MALRD1: variants seen among roughly 807,000 people sequenced by gnomAD.
The protein encoded by MALRD1 is MAM and LDL-receptor class A domain-containing protein 1.
Under a neutral mutation model 242.1 loss-of-function variants are expected in MALRD1, and 247 were observed. The observed-to-expected ratio is 1.02, with a 90% CI of 0.92 to 1.13. The LOEUF (loss-of-function observed/expected upper bound fraction) is 1.13, where lower values mean the gene tolerates loss of function less well. Among genes scored for constraint, MALRD1 ranks in the 50% most tolerant of loss-of-function variants. MALRD1 has a pLI of 0.00. For synonymous variants in MALRD1, 995 were observed against 866.6 expected (o/e 1.15, Z -2.60); for missense variants, 2,989 against 2,533.1 (o/e 1.18, Z -3.86).
intron 26 of MALRD1, among the ~76,000 whole-genome samples, chr10:19,373,219 A>AAAAAAAAAAAAAAAAAAAAAAAAAAAAAC (rs1845463400): frequency 7.9e-6 from 1 of 126,990 alleles, no homozygotes; most frequent in African/African-American, 3.1e-5. Context: ...AAAAAAAAAA[A>AAAAAAAAAAAAAAAAAAAAAAAAAAAAAC]ATAAGGGGCC....
intron 38 of MALRD1, chr10:19,711,070 G>T (rs1010580594): frequency 3.3e-5 from 5 of 152,176 alleles, no homozygotes; most frequent in African/African-American, 1.2e-4. Flanking sequence ...TTACCAAGGG[G>T]TAGAAACTTG....
intron 38 of MALRD1, among the ~76,000 whole-genome samples, chr10:19,729,181 A>G (rs1222206247): frequency 1.3e-5 from 2 of 152,232 alleles, no homozygotes; most frequent in African/African-American, 4.8e-5. Flanking sequence ...ATAATTAGCT[A>G]GATTAGACTG....
Position 19,729,718 on chromosome 10 carries a change from A to AT in MALRD1, c.6315-986dup, listed in dbSNP as rs1347221983. 1.2e-3 allele frequency among the ~76,000 whole-genome samples: 116 copies of AT among 98,988 alleles called. 1 individual carries two copies. Among genetic ancestry groups the AT allele is most frequent in the Non-Finnish European group, 1.9e-3 (94 of 49,298 alleles). 64.9% of individuals were successfully genotyped at this position (98,988 alleles called of 152,430 possible). The stretch of plus-strand genomic sequence containing the variant: ...TGCGTGTCTTCTAATAAGTCTATTA[A>AT]TTCTTTTTTTTTTTTTTTTTTTTTT... On this transcript the variant is annotated intron_variant, in intron 38 of 39. Transcript: ENST00000454679.
At chr10:19,149,024 G>T (rs1482114753) in intron 11 of MALRD1, among the ~76,000 whole-genome samples, 1 of 151,840 alleles carries the variant, frequency 6.6e-6, no homozygotes, top group Non-Finnish European at 1.5e-5. Flanking sequence ...AGTTCATTTT[G>T]TTCTTAGAGC....
At chr10:19,109,328 C>A (rs780333260) in intron 5 of MALRD1, among the ~76,000 whole-genome samples, 1 of 152,084 alleles carries the variant, frequency 6.6e-6, no homozygotes, top group African/African-American at 2.4e-5. Flanking sequence ...GAGGGTTTGT[C>A]AGGGCTGCTC....
intron 36 of MALRD1, among the ~76,000 whole-genome samples, chr10:19,645,414 A>G (rs573903899): frequency 4.6e-5 from 7 of 152,328 alleles, no homozygotes; most frequent in African/African-American, 1.7e-4. Context: ...TGCTGCTATA[A>G]AGACACATGC....
At position 19,153,848 on chromosome 10, in the gene MALRD1, C is replaced by G. The variant is rs931128591; in HGVS notation, c.1559-1227C>G. ...TTAGATTTTGGCGTCTTAATGTGTA[C>G]ATGTTCTCACCTTCGTTAACCTCTT... On this transcript the variant is annotated intron_variant, in intron 11 of 39. Transcript: ENST00000454679. Among the ~76,000 whole-genome samples, 6 of 151,530 alleles carry G rather than the reference C, an allele frequency of 4.0e-5. No individual in the cohort carries two copies. The Admixed American group carries it at 4.0e-4, about 10-fold the overall frequency.
At chr10:19,545,265 G>A (rs980382517) in intron 32 of MALRD1, among the ~76,000 whole-genome samples, 6 of 152,110 alleles carry the variant, frequency 3.9e-5, no homozygotes, top group African/African-American at 1.4e-4. Flanking sequence ...ATGAGGCCCT[G>A]TTTCAAAATA....
Position 19,497,299 on chromosome 10 carries a change from A to G in MALRD1, c.5159-1186A>G, listed in dbSNP as rs114988940. Among the ~76,000 whole-genome samples the G allele has an allele frequency of 5.6e-3, 840 of 150,056 alleles. 8 individuals are homozygous for G. Among genetic ancestry groups the G allele is most frequent in the African/African-American group, 0.02 (801 of 39,968 alleles). ...TATCCATATCACATAATAAAAACCT[A>G]TTCTATATTATATAACACTGGCATG... On this transcript the variant is annotated intron_variant, in intron 30 of 39. Coordinates refer to ENST00000454679, the MANE Select transcript of MALRD1 (RefSeq NM_001142308.3).
At chr10:19,301,666 T>G (rs927443245) in intron 21 of MALRD1, among the ~76,000 whole-genome samples, 5 of 151,538 alleles carry the variant, frequency 3.3e-5, no homozygotes, top group African/African-American at 1.2e-4. Flanking sequence ...AAACATTGAG[T>G]ACACATGGAC....
At chr10:19,228,021 C>A (rs546659223) in intron 18 of MALRD1, among the ~76,000 whole-genome samples, 2 of 152,096 alleles carry the variant, frequency 1.3e-5, no homozygotes, top group Non-Finnish European at 2.9e-5. Context: ...CAAAATGGTA[C>A]AGACATTTTG....
chr10:19,097,063 A>G (rs550805303), intron 4 of MALRD1, among the ~76,000 whole-genome samples: 37 of 152,316 alleles, frequency 2.4e-4, no homozygotes, highest in African/African-American at 8.2e-4. Flanking sequence ...AATAATAACA[A>G]CTAAAATTTC....
At chr10:19,719,121 C>T (rs916881133) in intron 38 of MALRD1, among the ~76,000 whole-genome samples, 6 of 146,010 alleles carry the variant, frequency 4.1e-5, no homozygotes, top group African/African-American at 5.1e-5. Flanking sequence ...GACTGCACTC[C>T]AACCTGGGCA....
At chr10:19,290,764 C>G (rs570288710) in intron 21 of MALRD1, among the ~76,000 whole-genome samples, 179 of 152,170 alleles carry the variant, frequency 1.2e-3, no homozygotes, top group African/African-American at 4.1e-3. Context: ...ATTTGCTTAT[C>G]ATTGAATCAA....
At chr10:19,626,354 G>A (rs934287660) in intron 36 of MALRD1, among the ~76,000 whole-genome samples, 1 of 118,308 alleles carries the variant, frequency 8.5e-6, no homozygotes, top group Non-Finnish European at 1.7e-5. Context: ...TATTCTATTT[G>A]CTCACGGGGT....
At chr10:19,731,488 TAC>T (rs1267179243) in intron 39 of MALRD1, among the ~76,000 whole-genome samples, 6 of 147,566 alleles carry the variant, frequency 4.1e-5, no homozygotes, top group African/African-American at 1.6e-4. Context: ...TCACATAGTT[TAC>T]TTTGTGTGTG....
chr10:19,145,363 G>A (rs1237338092), intron 10 of MALRD1, among the ~76,000 whole-genome samples: 1 of 152,132 alleles, frequency 6.6e-6, no homozygotes, highest in South Asian at 2.1e-4. Context: ...ACAGGCTCAG[G>A]CTGGGCACAG....
chr10:19,639,968 G>T (rs1169157721), intron 36 of MALRD1, among the ~76,000 whole-genome samples: 1 of 152,166 alleles, frequency 6.6e-6, no homozygotes, highest in Non-Finnish European at 1.5e-5. Context: ...AGCTGTGCAG[G>T]TTCCACTGAA....
chr10:19,222,974 G>A (rs1024025571), intron 18 of MALRD1, among the ~76,000 whole-genome samples: 6 of 152,042 alleles, frequency 3.9e-5, no homozygotes, highest in South Asian at 2.1e-4. Context: ...ATATTGTGTC[G>A]CTATCTGTGA....
Sources: gnomAD v4.1 joint callset for allele counts (sites outside exome capture counted in the v4.1 genomes callset) on GRCh38, gnomAD v4.1.1 for gene constraint, MANE v1.5 for transcripts, NCBI Gene and HGNC (gene_info 2026-07-23, HGNC 2026-07-21) for gene names.